MACF1: variants seen among roughly 807,000 people sequenced by gnomAD.
The protein encoded by MACF1 is microtubule actin crosslinking factor 1.
In MACF1, 193 loss-of-function variants were observed where a neutral mutation model predicts 854.8. The observed-to-expected ratio is 0.23, with a 90% CI of 0.20 to 0.25. MACF1 has a LOEUF of 0.25. Among genes scored for constraint, MACF1 ranks in the 10% least tolerant of loss-of-function variants. The pLI is 1.00. For missense variants in MACF1, 7,722 were observed against 8,929.1 expected (o/e 0.86, Z 5.45); for synonymous variants, 3,185 against 3,226.7 (o/e 0.99, Z 0.44).
chr1:39,275,584 G>A (rs879415019), intron 6 of MACF1, among the ~76,000 whole-genome samples: 1 of 152,142 alleles, frequency 6.6e-6, no homozygotes, highest in Non-Finnish European at 1.5e-5. Flanking sequence ...AAAATACCAA[G>A]TGTAGGCGAG....
At chr1:39,251,434 G>T (rs889715286) in intron 3 of MACF1, among the ~76,000 whole-genome samples, 30 of 152,152 alleles carry the variant, frequency 2.0e-4, no homozygotes, top group Non-Finnish European at 3.8e-4. Context: ...GATCTTTTTT[G>T]GTTGTATTGC....
intron 6 of MACF1, among the ~76,000 whole-genome samples, chr1:39,262,264 T>G (rs989080905): frequency 6.6e-6 from 1 of 151,798 alleles, no homozygotes; most frequent in Non-Finnish European, 1.5e-5. Context: ...TAGCCAGGTG[T>G]GTTGGCGCAC....
In MACF1 at chr1:39,233,808, T is replaced by TTTTTTTTTTTGTTTTTTTTTTTTA. The variant is rs755591226; in HGVS notation, c.171+2565_171+2566insTTTTTTTTTTGTTTTTTTTTTTTA. On this transcript the variant is annotated intron_variant, in intron 2 of 100. Transcript: ENST00000564288. ...TTTTTTTTTTTTTTTATTTATTTTTTATTGATAATTCTTGGGTGTTTCTCA... is the reference window on the plus strand; with the variant it reads ...TTTTTTTTTTTTTTTATTTATTTTTTTTTTTTTTTTGTTTTTTTTTTTTAATTGATAATTCTTGGGTGTTTCTCA... 3.0e-5 allele frequency among the ~76,000 whole-genome samples: 2 copies of TTTTTTTTTTTGTTTTTTTTTTTTA among 65,772 alleles called. 1 individual carries two copies. Among genetic ancestry groups the TTTTTTTTTTTGTTTTTTTTTTTTA allele is most frequent in the Non-Finnish European group, 6.6e-5 (2 of 30,152 alleles). 43.1% of individuals were successfully genotyped at this position (65,772 alleles called of 152,430 possible). A position where few individuals can be genotyped will look rare whatever the true frequency, so the allele number is the denominator to read the frequency against.
chr1:39,334,217 C>G lies in MACF1; in HGVS notation c.7629C>G (p.Ile2543Met). ...EKLKRVENLN[I>M]HQIFNPETKE... ...TCAAAAGAGTTGAGAACTTAAACAT[C>G]CATCAGATTTTTAATCCTGAAACGA... Residue 2543 changes from isoleucine (I) to methionine (M), a missense_variant, in exon 37 of 101, where the codon ATC becomes ATG. Ile to Met is a conservative substitution (Grantham distance 10). This residue lies in a region of MACF1 where 1,531 missense variants were observed against 1,601.6 expected (regional missense o/e 0.96). Coordinates refer to ENST00000564288, the MANE Select transcript of MACF1 (RefSeq NM_001394062.1). 2 of 1,614,092 alleles carry G rather than the reference C, an allele frequency of 1.2e-6. No individual in the cohort carries two copies. The highest frequency in any genetic ancestry group is 1.7e-6 in the Non-Finnish European group (2 of 1,180,004).
chr1:39,484,472 G>A (rs1449624099), intron 99 of MACF1, 129 bp from the exon 100 acceptor site: 1 of 782,100 alleles, frequency 1.3e-6, no homozygotes, highest in African/African-American at 1.8e-5. Flanking sequence ...AGAAATCTTT[G>A]TTTTCCTGGA....
At chr1:39,210,602 C>T (rs536928781) in intron 1 of MACF1, among the ~76,000 whole-genome samples, 13 of 152,196 alleles carry the variant, frequency 8.5e-5, no homozygotes, top group African/African-American at 3.1e-4. Context: ...AGCTCTTGCT[C>T]TTCTGCTTAC....
intron 23 of MACF1, among the ~76,000 whole-genome samples, chr1:39,307,901 CTTTTT>C (rs34930273): frequency 1.4e-4 from 7 of 50,406 alleles, no homozygotes; most frequent in African/African-American, 1.5e-4. Context: ...TTCTTTCTTT[CTTTTT>C]TTTTTTTTTT....
At chr1:39,305,244 G>C (rs1360351267) in intron 23 of MACF1, among the ~76,000 whole-genome samples, 1 of 148,000 alleles carries the variant, frequency 6.8e-6, no homozygotes. Flanking sequence ...CTGGGTGACA[G>C]AGTGAGACTC....
intron 97 of MACF1, among the ~76,000 whole-genome samples, chr1:39,477,045 G>GTATATATATATA (rs745911075): frequency 1.6e-5 from 1 of 63,748 alleles, no homozygotes; most frequent in Non-Finnish European, 2.9e-5. Context: ...TACACTTAGT[G>GTATATATATATA]TATATATATA....
chr1:39,206,502 T>C (rs1456692186), intron 1 of MACF1: 1 of 152,238 alleles, frequency 6.6e-6, no homozygotes, highest in African/African-American at 2.4e-5. Flanking sequence ...TTATCTTCAG[T>C]ATAGGACTTT....
chr1:39,121,473 A>G (rs916165749), intron 2 of MACF1, among the ~76,000 whole-genome samples: 2 of 152,204 alleles, frequency 1.3e-5, no homozygotes, highest in South Asian at 2.1e-4. Context: ...TATTTGAGAC[A>G]GAGTCTTGCT....
At position 39,217,653 on chromosome 1, in the gene MACF1, C is replaced by T. The variant is rs1013202112; in HGVS notation, c.109+12522C>T. Among the ~76,000 whole-genome samples the T allele has an allele frequency of 5.9e-5, 9 of 151,868 alleles. No homozygotes were observed. The South Asian group carries it at 6.2e-4, about 10-fold the overall frequency. On this transcript the variant is annotated intron_variant, in intron 1 of 100. Transcript: ENST00000564288. The stretch of plus-strand genomic sequence containing the variant: ...CAGCACTTTGGGAGGCCAAGGAGGG[C>T]GGATCAGTTGAGGTCAAGAGTTCAA...
intron 44 of MACF1, among the ~76,000 whole-genome samples, chr1:39,355,453 T>TC (rs1476555409): frequency 1.3e-5 from 2 of 149,964 alleles, no homozygotes; most frequent in East Asian, 1.9e-4. Flanking sequence ...TTTCTTTTTT[T>TC]CTTCTGCTTT....
intron 33 of MACF1, among the ~76,000 whole-genome samples, chr1:39,323,357 A>G (rs1488549754): frequency 1.3e-5 from 2 of 151,962 alleles, no homozygotes; most frequent in African/African-American, 2.4e-5. Context: ...AATATCCCAC[A>G]TACCCCGTAA....
At chr1:39,455,817 C>G (rs1300423921) in intron 89 of MACF1, among the ~76,000 whole-genome samples, 3 of 152,150 alleles carry the variant, frequency 2.0e-5, no homozygotes, top group Admixed American at 2.0e-4. Flanking sequence ...TCAGGTGGGC[C>G]ATCTTCATAA....
intron 2 of MACF1, among the ~76,000 whole-genome samples, chr1:39,155,874 C>T (rs1433013412): frequency 1.3e-5 from 2 of 151,268 alleles, no homozygotes; most frequent in Non-Finnish European, 2.9e-5. Context: ...GGTCCACCAC[C>T]GTGCTCGGCT....
intron 58 of MACF1, among the ~76,000 whole-genome samples, chr1:39,417,855 G>A (rs569101968): frequency 1.3e-5 from 2 of 150,224 alleles, no homozygotes; most frequent in African/African-American, 4.9e-5. Flanking sequence ...TGGGATTACA[G>A]GCATGAGCCA....
chr1:39,310,150 C>T lies in MACF1; in HGVS notation c.2917-95C>T, dbSNP rs911614394. On this transcript the variant is annotated intron_variant, in intron 24 of 100. Transcript: ENST00000564288. ...CATGTTTACGATTATGGTTTATGCA[C>T]TGTTTTGTATATATGTTACTTCAGT... The T allele has an allele frequency of 4.2e-6, 4 of 951,908 alleles. No individual in the cohort carries two copies. The African/African-American group carries it at 5.0e-5, about 12-fold the overall frequency. The allele number at this position is 951,908 out of a possible 1,614,324, so 59.0% of individuals were successfully genotyped here.
At chr1:39,389,040 AATTTTTTGT>A (rs898792966) in intron 58 of MACF1, among the ~76,000 whole-genome samples, 1 of 151,140 alleles carries the variant, frequency 6.6e-6, no homozygotes, top group Non-Finnish European at 1.5e-5. Context: ...ATACCCGGCT[AATTTTTTGT>A]ATTTTTTGTA....
Sources: gnomAD v4.1 joint callset for allele counts (sites outside exome capture counted in the v4.1 genomes callset) on GRCh38, gnomAD v4.1.1 for gene constraint, gnomAD v4.1.1 regional missense constraint, MANE v1.5 for transcripts, NCBI Gene and HGNC (gene_info 2026-07-23, HGNC 2026-07-21) for gene names.